The following SGO1 variants were observed in gnomAD, a reference collection of about 807,000 sequenced individuals.
The protein encoded by SGO1 is serologically defined breast cancer antigen NY-BR-85.
SGO1 carries 39 observed loss-of-function variants against 50.5 expected under a neutral mutation model. The observed-to-expected ratio is 0.77, with a 90% CI of 0.60 to 1.01. The LOEUF (loss-of-function observed/expected upper bound fraction) is 1.01. Ranked by LOEUF, SGO1 falls within the 50% of genes least tolerant of loss-of-function variation. SGO1 has a pLI of 0.00. For synonymous variants in SGO1, 191 were observed against 205.1 expected, an observed-to-expected ratio of 0.93 and a Z score of 0.59; for missense variants, 638 against 606.0, an observed-to-expected ratio of 1.05 and a Z score of -0.55.
At chr3:20,162,409 T>C (rs1227216919) in intron 8 of SGO1, among the ~76,000 whole-genome samples, 1 of 152,034 alleles carries the variant, frequency 6.6e-6, no homozygotes, top group African/African-American at 2.4e-5. Context: ...GAGTAAAAGC[T>C]CCCAAAGATC....
downstream of SGO1, among the ~76,000 whole-genome samples, chr3:20,166,093 T>TA (rs1332215336): frequency 2.6e-5 from 4 of 151,954 alleles, no homozygotes; most frequent in Non-Finnish European, 4.4e-5. Context: ...ACCTATGTAT[T>TA]AAAAAAATTA....
At chr3:20,180,890 GC>G (rs1302088749) in intron 3 of SGO1, among the ~76,000 whole-genome samples, 3 of 152,244 alleles carry the variant, frequency 2.0e-5, no homozygotes, top group Non-Finnish European at 4.4e-5. Context: ...ACATTGGGAG[GC>G]CAAGGCCAGA....
intron 5 of SGO1, among the ~76,000 whole-genome samples, chr3:20,175,834 TG>T (rs1388791402): frequency 6.6e-6 from 1 of 151,974 alleles, no homozygotes; most frequent in Non-Finnish European, 1.5e-5. Context: ...TATGTGCTCT[TG>T]GTTTAAAGAA....
intron 6 of SGO1, among the ~76,000 whole-genome samples, chr3:20,171,473 G>A (rs1017044330): frequency 2.6e-5 from 4 of 151,940 alleles, no homozygotes; most frequent in South Asian, 2.1e-4. Flanking sequence ...CAAGTAGCTG[G>A]GACTACAGGT....
At chr3:20,181,992 A>C (rs532186041) in intron 3 of SGO1, among the ~76,000 whole-genome samples, 4 of 152,172 alleles carry the variant, frequency 2.6e-5, no homozygotes, top group African/African-American at 9.6e-5. Flanking sequence ...CTGAGGCACG[A>C]GAATCACTTG....
At chr3:20,164,356 A>AG (rs1340907976) in intron 8 of SGO1, among the ~76,000 whole-genome samples, 2 of 152,130 alleles carry the variant, frequency 1.3e-5, no homozygotes, top group Non-Finnish European at 2.9e-5. Context: ...GTAACTGACA[A>AG]AGTTCAACAG....
chr3:20,169,914 G>C lies in SGO1; in HGVS notation c.*790C>G, dbSNP rs1412268409. ...TAAATGTCAAATATTTATTTTACTC[G>C]AATACTACACAGAGTTTCAAAAGAT... On this transcript the variant is annotated 3_prime_UTR_variant, in exon 8 of 8. Transcript: ENST00000412997. 2.0e-6 allele frequency: 2 copies of C among 983,192 alleles called. No homozygotes were observed. The highest frequency in any genetic ancestry group is 3.5e-5 in the African/African-American group (2 of 57,228). The allele number at this position is 983,192 out of a possible 1,614,324, so 60.9% of individuals were successfully genotyped here. A position where few individuals can be genotyped will look rare whatever the true frequency, so the allele number is the denominator to read the frequency against.
chr3:20,164,051 A>AGGT (rs1410482042), intron 8 of SGO1, among the ~76,000 whole-genome samples: 1 of 152,206 alleles, frequency 6.6e-6, no homozygotes, highest in African/African-American at 2.4e-5. Context: ...AGAAAAGAGG[A>AGGT]GGTGGAAAGA....
intron 3 of SGO1, 91 bp from the exon 4 acceptor site, chr3:20,178,438 T>C: frequency 1.1e-6 from 1 of 908,922 alleles, no homozygotes; most frequent in Non-Finnish European, 1.8e-6. Context: ...GTTGACAGTC[T>C]ATCATGGTGC....
chr3:20,169,191 A>C, downstream of SGO1: 1 of 985,346 alleles, frequency 1.0e-6, no homozygotes, highest in Middle Eastern at 5.2e-4. Flanking sequence ...AAAATCTGAG[A>C]TATCAGGATT....
At chr3:20,166,817 AAAC>A (rs2125238936), downstream of SGO1, among the ~76,000 whole-genome samples, 1 of 142,806 alleles carries the variant, frequency 7.0e-6, no homozygotes, top group African/African-American at 2.7e-5. Context: ...CTGGCCTAGG[AAAC>A]ATAGCCAGTC....
Position 20,174,977 on chromosome 3 carries a change from A to G in SGO1, c.554T>C (p.Leu185Ser). ...GCTACGAACAGATACAGTTCTAGGT[A>G]AGACATTATCAGTAGACTTAGCTTC... ...SGEAKSTDNV[L>S]PRTVSVRSSL... Residue 185 changes from leucine to serine, a missense_variant, in exon 6 of 8, where the codon TTA becomes TCA. Coordinates refer to ENST00000412997, the MANE Select transcript of SGO1 (RefSeq NM_001199251.3). 1.2e-6 allele frequency: 2 copies of G among 1,610,890 alleles called. No homozygotes were observed. Among genetic ancestry groups the G allele is most frequent in the Non-Finnish European group, 1.7e-6 (2 of 1,178,294 alleles).
downstream of SGO1, among the ~76,000 whole-genome samples, chr3:20,165,044 G>A (rs1700224265): frequency 6.6e-6 from 1 of 152,138 alleles, no homozygotes. Flanking sequence ...TGCTATAAAG[G>A]AATACCCGAA....
Position 20,174,868 on chromosome 3 carries a change from A to C in SGO1, c.663T>G (p.Phe221Leu), listed in dbSNP as rs767766637. Residue 221 changes from phenylalanine (F) to leucine (L), a missense_variant, in exon 6 of 8, where the codon TTT becomes TTG. Physicochemically the swap from Phe to Leu is conservative, Grantham distance 22. Transcript: ENST00000412997. ...CTAAAAATCCAACTCTTTCGAATTC[A>C]AAAGACTTCCCTGCCAAATGACTGG... ...FETSHLAGKSFEFERVGFLDP... is the reference protein window; with the variant it reads ...FETSHLAGKSLEFERVGFLDP... The C allele has an allele frequency of 1.2e-6, 2 of 1,614,046 alleles. No individual in the cohort carries two copies. Among genetic ancestry groups the C allele is most frequent in the Middle Eastern group, 1.7e-4 (1 of 6,058 alleles).
At chr3:20,186,264 A>G (rs2125415434), upstream of SGO1, 1 of 152,340 alleles carries the variant, frequency 6.6e-6, no homozygotes, top group South Asian at 2.1e-4. Flanking sequence ...GTGGCGCAGG[A>G]TGCACCCAAC....
chr3:20,175,058 G>A lies in SGO1; in HGVS notation c.476-3C>T. The A allele has an allele frequency of 2.8e-6, 4 of 1,427,366 alleles. No homozygotes were observed. Among genetic ancestry groups the A allele is most frequent in the South Asian group, 3.5e-5 (2 of 57,018 alleles). The allele number at this position is 1,427,366 out of a possible 1,614,324, so 88.4% of individuals were successfully genotyped here. ...TTGAGGAATAGTAGGTATCTGATCT[G>A]AGAATTTAAAAAATAAATGAGAAAA... On this transcript the variant is annotated splice_region_variant and splice_polypyrimidine_tract_variant and intron_variant, in intron 5 of 7. Coordinates refer to ENST00000412997, the MANE Select transcript of SGO1 (RefSeq NM_001199251.3).
chr3:20,181,193 TG>T, intron 3 of SGO1, among the ~76,000 whole-genome samples: 1 of 152,136 alleles, frequency 6.6e-6, no homozygotes, highest in Non-Finnish European at 1.5e-5. Context: ...ACTTTAAATT[TG>T]ACATGAATAT....
At chr3:20,169,274 G>C (rs937446968), downstream of SGO1, 3 of 985,022 alleles carry the variant, frequency 3.0e-6, no homozygotes, top group Admixed American at 6.2e-5. Flanking sequence ...AGTTGGGAGA[G>C]AGAAGTGTTA....
In SGO1 at chr3:20,170,423, G is replaced by T; in HGVS notation, c.*281C>A. 3 of 982,976 alleles carry T rather than the reference G, an allele frequency of 3.1e-6. No homozygotes were observed. Among genetic ancestry groups the T allele is most frequent in the Non-Finnish European group, 3.6e-6 (3 of 824,324 alleles). The allele number at this position is 982,976 out of a possible 1,614,324, so 60.9% of individuals were successfully genotyped here. On this transcript the variant is annotated 3_prime_UTR_variant, in exon 8 of 8. Coordinates refer to ENST00000412997, the MANE Select transcript of SGO1 (RefSeq NM_001199251.3). ...CCAAAAAAAAAAAAAGATATATTTC[G>T]ACTAAAATTAAGAGGTTTAGGCAGC...
Sources: allele counts gnomAD v4.1 joint callset (sites outside exome capture counted in the v4.1 genomes callset), GRCh38; gene constraint gnomAD v4.1.1; transcripts MANE v1.5; gene names NCBI Gene and HGNC (gene_info 2026-07-23, HGNC 2026-07-21).